The following MGAT5B variants were observed in gnomAD, a reference collection of about 807,000 sequenced individuals.
MGAT5B encodes N-acetylglucosaminyl-transferase Vb.
A neutral mutation model predicts 95.1 loss-of-function variants in MGAT5B; 54 were observed. The observed-to-expected ratio is 0.57, with a 90% CI of 0.46 to 0.71. The LOEUF (loss-of-function observed/expected upper bound fraction) is 0.71, where lower values mean the gene tolerates loss of function less well. Among genes scored for constraint, MGAT5B ranks in the 30% least tolerant of loss-of-function variants. MGAT5B has a pLI of 0.00. For missense variants in MGAT5B, 935 were observed against 1,088.6 expected (o/e 0.86, Z 1.99); for synonymous variants, 464 against 451.0 (o/e 1.03, Z -0.36).
rs1970078473 is a variant in MGAT5B at position 76,947,753 on chromosome 17, A to G, written c.1924-77A>G. The G allele has an allele frequency of 2.4e-5, 36 of 1,472,612 alleles. No homozygotes were observed. The South Asian group carries it at 4.7e-4, about 19-fold the overall frequency. The allele number at this position is 1,472,612 out of a possible 1,614,324, so 91.2% of individuals were successfully genotyped here. On this transcript the variant is annotated intron_variant, in intron 16 of 17. Transcript: ENST00000569840. Reference sequence around the variant, plus strand: ...TAGTGGTGGCTCGTACTGGCACGGCAGGGCCACACCTTCAGGTGTCTCCCA... The same window carrying G: ...TAGTGGTGGCTCGTACTGGCACGGCGGGGCCACACCTTCAGGTGTCTCCCA...
intron 10 of MGAT5B, among the ~76,000 whole-genome samples, chr17:76,931,614 G>A (rs1285618121): frequency 6.6e-6 from 1 of 150,806 alleles, no homozygotes; most frequent in Non-Finnish European, 1.5e-5. Context: ...AGAAATGGAG[G>A]CAGAGCCTGG....
At position 76,940,799 on chromosome 17, in the gene MGAT5B, A is replaced by G; in HGVS notation, c.1799A>G (p.Asn600Ser). 1.2e-6 allele frequency: 2 copies of G among 1,614,144 alleles called. No homozygotes were observed. Among genetic ancestry groups the G allele is most frequent in the Non-Finnish European group, 1.7e-6 (2 of 1,180,028 alleles). ...GKPHVWTVDY[N>S]NSEEFEAAIK... is the part of the protein sequence containing the mutation. ...CCCCACGTGTGGACAGTCGACTACA[A>G]CAACTCAGAGGAGTTTGAAGCAGCC... is the stretch of plus-strand genomic sequence containing the variant. The change falls in exon 15 of 18, where the codon AAC becomes AGC. Residue 600 changes from asparagine to serine, a missense_variant. Physicochemically the swap from Asn to Ser is conservative, Grantham distance 46 (BLOSUM62 1). Coordinates refer to ENST00000569840, the MANE Select transcript of MGAT5B (RefSeq NM_001199172.2). The surrounding 1 kb of genome is among the most constrained non-coding windows in gnomAD (Gnocchi z 4.3).
At chr17:76,892,965 A>T (rs1967930838) in intron 3 of MGAT5B, among the ~76,000 whole-genome samples, 1 of 152,126 alleles carries the variant, frequency 6.6e-6, no homozygotes, top group East Asian at 1.9e-4. Context: ...TTATCAGGGG[A>T]CACTCCAAGG....
At chr17:76,929,163 G>C (rs554070683) in intron 10 of MGAT5B, among the ~76,000 whole-genome samples, 1 of 152,318 alleles carries the variant, frequency 6.6e-6, no homozygotes, top group East Asian at 1.9e-4. Flanking sequence ...ACTGTGCCCA[G>C]CCAGGGCAAC....
In MGAT5B at chr17:76,869,232, G is replaced by C; in HGVS notation, c.68+135G>C. ...CTTCAACCCCTGGTGATGACCAGTG[G>C]GGCTGGGCTGGGGGAACGGATGGCG... On this transcript the variant is annotated intron_variant, in intron 1 of 17. Coordinates refer to ENST00000569840, the MANE Select transcript of MGAT5B (RefSeq NM_001199172.2). This position sits in a 1 kb window ranked among gnomAD's most constrained non-coding sequence, Gnocchi z 7.0. The C allele has an allele frequency of 1.3e-6, 1 of 761,430 alleles. No homozygotes were observed. The highest frequency in any genetic ancestry group is 2.3e-6 in the Non-Finnish European group (1 of 435,980). 47.2% of individuals were successfully genotyped at this position (761,430 alleles called of 1,614,324 possible). A position where few individuals can be genotyped will look rare whatever the true frequency, so the allele number is the denominator to read the frequency against.
intron 3 of MGAT5B, among the ~76,000 whole-genome samples, chr17:76,898,788 G>A (rs917827225): frequency 3.9e-5 from 6 of 152,042 alleles, no homozygotes; most frequent in African/African-American, 1.2e-4. Context: ...CACATCACCC[G>A]AGCAGTATAC....
Position 76,905,341 on chromosome 17 carries a change from G to A in MGAT5B, c.855+8G>A. On this transcript the variant is annotated splice_region_variant and intron_variant, in intron 7 of 17. Transcript: ENST00000569840. This position sits in a 1 kb window ranked among gnomAD's most constrained non-coding sequence, Gnocchi z 4.2. Reference sequence around the variant, plus strand: ...CAGAGGGACCAGAAGCAGGTGCGTGGCCCCTGCCCCCTCATGTGCAGGAGC... The same window carrying A: ...CAGAGGGACCAGAAGCAGGTGCGTGACCCCTGCCCCCTCATGTGCAGGAGC... 1.3e-6 allele frequency: 2 copies of A among 1,573,412 alleles called. No homozygotes were observed. Among genetic ancestry groups the A allele is most frequent in the East Asian group, 4.5e-5 (2 of 43,994 alleles).
chr17:76,889,488 G>A lies in MGAT5B; in HGVS notation c.329+7190G>A, dbSNP rs949687898. 3.9e-5 allele frequency among the ~76,000 whole-genome samples: 6 copies of A among 152,148 alleles called. No homozygotes were observed. The highest frequency in any genetic ancestry group is 7.2e-5 in the African/African-American group (3 of 41,440). ...GTCTCAGAAGCTGTCTCGGGCCACC[G>A]TGGGTACCTTCACTGGGAGAGAGGC... On this transcript the variant is annotated intron_variant, in intron 3 of 17. Transcript: ENST00000569840. The surrounding 1 kb of genome is among the most constrained non-coding windows in gnomAD (Gnocchi z 4.4).
chr17:76,938,151 C>G lies in MGAT5B; in HGVS notation c.1584+8C>G. Reference sequence around the variant, plus strand: ...CTGCTGCGCAAGGCCAAAGTGAGCTCCCATCCCCCGCACCATTCTCACACT... The same window carrying G: ...CTGCTGCGCAAGGCCAAAGTGAGCTGCCATCCCCCGCACCATTCTCACACT... On this transcript the variant is annotated splice_region_variant and intron_variant, in intron 13 of 17. Coordinates refer to ENST00000569840, the MANE Select transcript of MGAT5B (RefSeq NM_001199172.2). The surrounding 1 kb of genome is among the most constrained non-coding windows in gnomAD (Gnocchi z 4.3). 1 of 1,613,636 alleles carries G rather than the reference C, an allele frequency of 6.2e-7. No homozygotes were observed. The highest frequency in any genetic ancestry group is 8.5e-7 in the Non-Finnish European group (1 of 1,179,818).
intron 3 of MGAT5B, 50 bp from the exon 4 acceptor site, chr17:76,902,490 CAGGACCCTCATGGGA>C: frequency 8.0e-7 from 1 of 1,247,970 alleles, no homozygotes; most frequent in East Asian, 2.6e-5. Context: ...GCCTTACTGG[CAGGACCCTCATGGGA>C]AGGTCACCCC....
intron 2 of MGAT5B, among the ~76,000 whole-genome samples, chr17:76,877,090 C>T (rs562632047): frequency 5.3e-4 from 81 of 152,230 alleles, no homozygotes; most frequent in African/African-American, 1.8e-3. Context: ...CTTTGGGAGG[C>T]TGAGGCAGGT....
intron 3 of MGAT5B, among the ~76,000 whole-genome samples, chr17:76,885,965 C>G (rs557678591): frequency 6.6e-5 from 10 of 152,350 alleles, no homozygotes; most frequent in African/African-American, 2.4e-4. Context: ...AAAAACACGT[C>G]CCCTGTTCTT....
chr17:76,939,058 G>GTA lies in MGAT5B; in HGVS notation c.1584+916_1584+917insAT, dbSNP rs1430680365. 8.8e-3 allele frequency among the ~76,000 whole-genome samples: 1,333 copies of GTA among 151,610 alleles called. 18 individuals are homozygous for GTA. The highest frequency in any genetic ancestry group is 0.031 in the African/African-American group (1,288 of 41,274). ...TGTGTGTGTGTGTGTGTGTGTGTGTGTGTGTGTGTGTGTGTGTTGGGGGCA... is the reference window on the plus strand; with the variant it reads ...TGTGTGTGTGTGTGTGTGTGTGTGTGTATGTGTGTGTGTGTGTGTTGGGGGCA... On this transcript the variant is annotated intron_variant, in intron 13 of 17. Coordinates refer to ENST00000569840, the MANE Select transcript of MGAT5B (RefSeq NM_001199172.2).
At chr17:76,888,418 G>T (rs978822507) in intron 3 of MGAT5B, among the ~76,000 whole-genome samples, 4 of 152,116 alleles carry the variant, frequency 2.6e-5, no homozygotes, top group African/African-American at 9.7e-5. Context: ...GTGCACTCAG[G>T]TCTCCCGGTA....
rs376145245 is a variant in MGAT5B at position 76,916,118 on chromosome 17, G to A, written c.1026-8848G>A. Reference sequence around the variant, plus strand: ...TGGCCCCTGCCCTTCATCCTTCCTCGGGATCCAGGAGAGACCCTTCCTTGC... The same window carrying A: ...TGGCCCCTGCCCTTCATCCTTCCTCAGGATCCAGGAGAGACCCTTCCTTGC... On this transcript the variant is annotated intron_variant, in intron 8 of 17. Transcript: ENST00000569840. The surrounding 1 kb of genome is among the most constrained non-coding windows in gnomAD (Gnocchi z 5.3). Among the ~76,000 whole-genome samples, 51 of 150,618 alleles carry A rather than the reference G, an allele frequency of 3.4e-4. No homozygotes were observed. The highest frequency in any genetic ancestry group is 2.3e-3 in the Admixed American group (35 of 15,226).
chr17:76,938,021 T>TACA lies in MGAT5B; in HGVS notation c.1463_1465dup (p.Tyr488_Met489insAsn). On this transcript the variant is annotated inframe_insertion, in exon 13 of 18. Coordinates refer to ENST00000569840, the MANE Select transcript of MGAT5B (RefSeq NM_001199172.2). The surrounding 1 kb of genome is among the most constrained non-coding windows in gnomAD (Gnocchi z 4.3). ...GAAGTTCCTGGGCATCCTGAACAAA[T>TACA]ACATGGAGATCCATGGCACCGTGTA... 6.2e-7 allele frequency: 1 copy of TACA among 1,614,206 alleles called. No homozygotes were observed. The highest frequency in any genetic ancestry group is 8.5e-7 in the Non-Finnish European group (1 of 1,180,014).
rs1482161748 is a variant in MGAT5B at position 76,932,535 on chromosome 17, CT to C, written c.1292-107del. On this transcript the variant is annotated intron_variant, in intron 10 of 17. Transcript: ENST00000569840. ...CCCACCGCACCCTGTGCCCCGCCCC[CT>C]TTCCCACCCCTGCCAAAAGAGGACC... The C allele has an allele frequency of 4.6e-6, 7 of 1,523,768 alleles. No individual in the cohort carries two copies. In the South Asian group the frequency reaches 8.8e-5, roughly 19 times the overall value. The allele number at this position is 1,523,768 out of a possible 1,614,324, so 94.4% of individuals were successfully genotyped here.
At position 76,948,945 on chromosome 17, in the gene MGAT5B, C is replaced by G. The variant is rs375337411; in HGVS notation, c.*107C>G. The G allele has an allele frequency of 4.2e-5, 53 of 1,251,020 alleles. No individual in the cohort carries two copies. Among genetic ancestry groups the G allele is most frequent in the East Asian group, 7.7e-5 (3 of 39,152 alleles). The allele number at this position is 1,251,020 out of a possible 1,614,324, so 77.5% of individuals were successfully genotyped here. A position where few individuals can be genotyped will look rare whatever the true frequency, so the allele number is the denominator to read the frequency against. The stretch of plus-strand genomic sequence containing the variant: ...GCTGCTTGTCCTCCTCGCAACCCCC[C>G]CAGGCCGGAGCTTCCTTCCTTAGCC... On this transcript the variant is annotated 3_prime_UTR_variant, in exon 18 of 18. Coordinates refer to ENST00000569840, the MANE Select transcript of MGAT5B (RefSeq NM_001199172.2).
In MGAT5B at chr17:76,930,656, G is replaced by A. The variant is rs1393333151; in HGVS notation, c.1292-1989G>A. 6.6e-6 allele frequency among the ~76,000 whole-genome samples: 1 copy of A among 152,170 alleles called. No homozygotes were observed. Among genetic ancestry groups the A allele is most frequent in the Non-Finnish European group, 1.5e-5 (1 of 68,048 alleles). The stretch of plus-strand genomic sequence containing the variant: ...TTAGCAGTCACTGCACTCCACACAC[G>A]GCCATGGAATTGGAGCGTGAGATCA... On this transcript the variant is annotated intron_variant, in intron 10 of 17. Coordinates refer to ENST00000569840, the MANE Select transcript of MGAT5B (RefSeq NM_001199172.2). The surrounding 1 kb of genome is among the most constrained non-coding windows in gnomAD (Gnocchi z 4.1).
Sources: gnomAD v4.1 joint callset for allele counts (sites outside exome capture counted in the v4.1 genomes callset) on GRCh38, gnomAD v4.1.1 for gene constraint, Gnocchi (gnomAD v3.1) non-coding constraint, MANE v1.5 for transcripts, NCBI Gene and HGNC (gene_info 2026-07-23, HGNC 2026-07-21) for gene names.